DENND3: variants seen among roughly 807,000 people sequenced by gnomAD.
DENND3 encodes DENN domain-containing protein 3.
Under a neutral mutation model 135.1 loss-of-function variants are expected in DENND3, and 88 were observed. The ratio of observed to expected loss-of-function variants is 0.65; its 90% confidence interval spans 0.55 to 0.78. DENND3 has a LOEUF of 0.78. Ranked by LOEUF, DENND3 falls within the 30% of genes least tolerant of loss-of-function variation. The pLI is 0.00. For missense variants in DENND3, 1,392 were observed against 1,688.4 expected, an observed-to-expected ratio of 0.82 and a Z score of 3.08; for synonymous variants, 693 against 712.3, an observed-to-expected ratio of 0.97 and a Z score of 0.43.
intron 22 of DENND3, chr8:141,193,028 G>T: frequency 3.3e-6 from 2 of 612,120 alleles, no homozygotes; most frequent in Non-Finnish European, 4.8e-6. Flanking sequence ...TCCCCCACCC[G>T]CTCATGTGGC....
intron 5 of DENND3, among the ~76,000 whole-genome samples, chr8:141,148,076 G>A (rs1383146774): frequency 6.6e-6 from 1 of 152,152 alleles, no homozygotes; most frequent in African/African-American, 2.4e-5. Context: ...GTAGGCCAAG[G>A]TTCTCATCTG....
intron 18 of DENND3, chr8:141,188,728 C>T: frequency 2.3e-6 from 1 of 437,358 alleles, no homozygotes; most frequent in Non-Finnish European, 4.0e-6. Context: ...GTGCTGGCGG[C>T]CGTGGGTTTC....
intron 15 of DENND3, chr8:141,177,685 G>A (rs1275145803): frequency 5.9e-6 from 1 of 169,732 alleles, no homozygotes; most frequent in East Asian, 1.7e-4. Flanking sequence ...AAAGCCCGTG[G>A]GCCAGTGGAC....
intron 1 of DENND3, among the ~76,000 whole-genome samples, chr8:141,129,216 C>G (rs913733750): frequency 6.6e-6 from 1 of 152,242 alleles, no homozygotes; most frequent in East Asian, 1.9e-4. Context: ...GCCGCCGGAG[C>G]CTCACGGTCT....
In DENND3 at chr8:141,141,924, G is replaced by A. The variant is rs574587963; in HGVS notation, c.623+600G>A. Reference sequence around the variant, plus strand: ...TTGGGCATGGTGGTGTGTGCCTGTAGTCCCAGCTACTGGGAAGGCTAACGC... The same window carrying A: ...TTGGGCATGGTGGTGTGTGCCTGTAATCCCAGCTACTGGGAAGGCTAACGC... On this transcript the variant is annotated intron_variant, in intron 4 of 22. Coordinates refer to ENST00000519811, the MANE Select transcript of DENND3 (RefSeq NM_001352890.3). This position sits in a 1 kb window ranked among gnomAD's most constrained non-coding sequence, Gnocchi z 5.3. The A allele has an allele frequency of 1.1e-4, 22 of 196,412 alleles. No homozygotes were observed. The highest frequency in any genetic ancestry group is 1.0e-3 in the Admixed American group (19 of 18,738). 12.2% of individuals were successfully genotyped at this position (196,412 alleles called of 1,614,324 possible). A position where few individuals can be genotyped will look rare whatever the true frequency, so the allele number is the denominator to read the frequency against.
Position 141,182,282 on chromosome 8 carries a change from C to T in DENND3, c.2944+1428C>T, listed in dbSNP as rs1256853498. 8 of 984,250 alleles carry T rather than the reference C, an allele frequency of 8.1e-6. No homozygotes were observed. The highest frequency in any genetic ancestry group is 4.7e-5 in the South Asian group (1 of 21,246). The allele number at this position is 984,250 out of a possible 1,614,324, so 61.0% of individuals were successfully genotyped here. On this transcript the variant is annotated intron_variant, in intron 17 of 22. Coordinates refer to ENST00000519811, the MANE Select transcript of DENND3 (RefSeq NM_001352890.3). The surrounding 1 kb of genome is among the most constrained non-coding windows in gnomAD (Gnocchi z 5.9). ...GTGGGCAGAGAAGCTGTGTGTGAAG[C>T]GATTTCCCCATAAGAGAGTTTTTCT... is the stretch of plus-strand genomic sequence containing the variant.
Position 141,175,545 on chromosome 8 carries a change from C to T in DENND3, c.2535+86C>T. ...GAGTGGGCCCTGAGCAGTCTGCCAGCCATGCCAAGTACCAGCTGCAGCCCT... is the reference window on the plus strand; with the variant it reads ...GAGTGGGCCCTGAGCAGTCTGCCAGTCATGCCAAGTACCAGCTGCAGCCCT... On this transcript the variant is annotated intron_variant, in intron 14 of 22. Coordinates refer to ENST00000519811, the MANE Select transcript of DENND3 (RefSeq NM_001352890.3). This position sits in a 1 kb window ranked among gnomAD's most constrained non-coding sequence, Gnocchi z 5.4. The T allele has an allele frequency of 6.2e-7, 1 of 1,602,148 alleles. No individual in the cohort carries two copies. Among genetic ancestry groups the T allele is most frequent in the Admixed American group, 1.7e-5 (1 of 59,768 alleles).
In DENND3 at chr8:141,175,617, A is replaced by G; in HGVS notation, c.2535+158A>G. 1 of 1,123,588 alleles carries G rather than the reference A, an allele frequency of 8.9e-7. No homozygotes were observed. Among genetic ancestry groups the G allele is most frequent in the South Asian group, 1.3e-5 (1 of 76,894 alleles). The allele number at this position is 1,123,588 out of a possible 1,614,324, so 69.6% of individuals were successfully genotyped here. The stretch of plus-strand genomic sequence containing the variant: ...TGTCCCTCAGTTTGCTCATCTGTAA[A>G]GTAGGAATAAGGCTGATACCTTCTC... On this transcript the variant is annotated intron_variant, in intron 14 of 22. Coordinates refer to ENST00000519811, the MANE Select transcript of DENND3 (RefSeq NM_001352890.3). This position sits in a 1 kb window ranked among gnomAD's most constrained non-coding sequence, Gnocchi z 5.4.
At chr8:141,133,326 C>G (rs1351684323) in intron 1 of DENND3, among the ~76,000 whole-genome samples, 1 of 152,106 alleles carries the variant, frequency 6.6e-6, no homozygotes, top group East Asian at 1.9e-4. Context: ...CTGACTCATG[C>G]CCACGTATGA....
At chr8:141,185,431 T>G in intron 18 of DENND3, 153 bp downstream of exon 18, 1 of 999,220 alleles carries the variant, frequency 1.0e-6, no homozygotes, top group Non-Finnish European at 1.4e-6. Flanking sequence ...ACCTGGAGTT[T>G]TCAAATTAAA....
intron 14 of DENND3, 148 bp from the exon 15 acceptor site, chr8:141,176,443 C>A (rs191681410): frequency 2.1e-5 from 20 of 941,662 alleles, no homozygotes; most frequent in Non-Finnish European, 2.9e-5. Flanking sequence ...CTGCCCCTCA[C>A]CCGGGGCCCT....
rs959340171 is a variant in DENND3, at chr8:141,130,850, C to A, written c.102+2041C>A. 6.6e-6 allele frequency among the ~76,000 whole-genome samples: 1 copy of A among 152,054 alleles called. No homozygotes were observed. The highest frequency in any genetic ancestry group is 1.5e-5 in the Non-Finnish European group (1 of 68,036). On this transcript the variant is annotated intron_variant, in intron 1 of 22. Coordinates refer to ENST00000519811, the MANE Select transcript of DENND3 (RefSeq NM_001352890.3). The surrounding 1 kb of genome is among the most constrained non-coding windows in gnomAD (Gnocchi z 4.2). ...TACAGGCGTGTGCCACCATGCCCAG[C>A]TAATTTTTGTATTTTTAGTAGAGAC...
intron 16 of DENND3, among the ~76,000 whole-genome samples, 163 bp from the exon 17 acceptor site, chr8:141,180,584 G>C (rs897290876): frequency 6.6e-6 from 1 of 152,178 alleles, no homozygotes; most frequent in Non-Finnish European, 1.5e-5. Context: ...AGGGTGCATG[G>C]CTTTCTTTCA....
chr8:141,186,987 C>CT (rs1823977671), intron 18 of DENND3, among the ~76,000 whole-genome samples: 1 of 152,200 alleles, frequency 6.6e-6, no homozygotes, highest in South Asian at 2.1e-4. Context: ...CCTGCGCGCC[C>CT]TTTGTCCATG....
chr8:141,166,245 C>G lies in DENND3; in HGVS notation c.1609C>G (p.Arg537Gly). The change falls in exon 12 of 23, where the codon CGG (arginine) becomes GGG (glycine). Residue 537 changes from arginine to glycine, a missense_variant. Arg to Gly is a moderately radical substitution (Grantham distance 125, BLOSUM62 -2). Transcript: ENST00000519811. This position sits in a 1 kb window ranked among gnomAD's most constrained non-coding sequence, Gnocchi z 4.3. Reference protein sequence around the residue: ...RRPTVEKRASRKSSHLHVTHR... With the variant: ...RRPTVEKRASGKSSHLHVTHR... ...ACCGACCGTTGAGAAAAGAGCCTCC[C>G]GGAAGTCCTCGCACCTGCATGTCAC... The G allele has an allele frequency of 6.2e-7, 1 of 1,614,162 alleles. No individual in the cohort carries two copies. The highest frequency in any genetic ancestry group is 8.5e-7 in the Non-Finnish European group (1 of 1,180,050).
At position 141,151,734 on chromosome 8, in the gene DENND3, A is replaced by C. The variant is rs1589592210; in HGVS notation, c.971A>C (p.His324Pro). The C allele has an allele frequency of 6.2e-7, 1 of 1,614,112 alleles. No homozygotes were observed. Among genetic ancestry groups the C allele is most frequent in the Non-Finnish European group, 8.5e-7 (1 of 1,180,006 alleles). The part of the protein sequence containing the change: ...MAYLYPLQWQ[H>P]PFVPILSDQM... ...TACCTGTATCCGCTGCAGTGGCAGC[A>C]CCCCTTCGTGCCCATCCTGTCGGAC... Residue 324 changes from histidine (H) to proline (P), a missense_variant, in exon 7 of 23, where the codon CAC (histidine) becomes CCC (proline). Coordinates refer to ENST00000519811, the MANE Select transcript of DENND3 (RefSeq NM_001352890.3).
intron 5 of DENND3, among the ~76,000 whole-genome samples, chr8:141,147,279 C>T (rs1818266134): frequency 6.6e-6 from 1 of 152,228 alleles, no homozygotes; most frequent in Non-Finnish European, 1.5e-5. Context: ...TCCACCCTTC[C>T]ATTTGTCCTC....
In DENND3 at chr8:141,154,091, G is replaced by A. The variant is rs1316543241; in HGVS notation, c.1075-1758G>A. Among the ~76,000 whole-genome samples, 1 of 152,214 alleles carries A rather than the reference G, an allele frequency of 6.6e-6. No individual in the cohort carries two copies. The highest frequency in any genetic ancestry group is 1.5e-5 in the Non-Finnish European group (1 of 68,032). ...ACCGGCTGTGTGCCTCGCTGCTTTAGCGTTTTGTGTATTTGCCTTGTAAGG... is the reference window on the plus strand; with the variant it reads ...ACCGGCTGTGTGCCTCGCTGCTTTAACGTTTTGTGTATTTGCCTTGTAAGG... On this transcript the variant is annotated intron_variant, in intron 7 of 22. Transcript: ENST00000519811. The surrounding 1 kb of genome is among the most constrained non-coding windows in gnomAD (Gnocchi z 4.4).
At chr8:141,172,515 CA>C (rs1276923598) in intron 13 of DENND3, among the ~76,000 whole-genome samples, 3 of 152,168 alleles carry the variant, frequency 2.0e-5, no homozygotes, top group African/African-American at 7.2e-5. Context: ...TTCACCCTGC[CA>C]AGCCCCCCAG....
Sources: gnomAD v4.1 joint callset for allele counts (sites outside exome capture counted in the v4.1 genomes callset) on GRCh38, gnomAD v4.1.1 for gene constraint, Gnocchi (gnomAD v3.1) non-coding constraint, MANE v1.5 for transcripts, NCBI Gene and HGNC (gene_info 2026-07-23, HGNC 2026-07-21) for gene names.